Variants in CLIC5 observed in about 807,000 individuals in gnomAD.
The protein encoded by CLIC5 is CLIC family member 5, also known as chloride intracellular channel protein 5.
A neutral mutation model predicts 24.7 loss-of-function variants in CLIC5; 20 were observed. The ratio of observed to expected loss-of-function variants is 0.81; its 90% CI spans 0.57 to 1.18. The LOEUF is 1.18. CLIC5 is among the 50% of genes most tolerant of loss of function. CLIC5 has a pLI of 0.00. For missense variants in CLIC5, 341 were observed against 326.1 expected (o/e 1.05, Z -0.35); for synonymous variants, 159 against 135.6 (o/e 1.17, Z -1.20).
At chr6:45,965,148 A>T (rs1008364173) in intron 1 of CLIC5, among the ~76,000 whole-genome samples, 4 of 152,178 alleles carry the variant, frequency 2.6e-5, no homozygotes, top group African/African-American at 9.7e-5. Flanking sequence ...TACATGAAGA[A>T]CTACAGCTAT....
At chr6:46,088,774 G>T in the CLIC5 span, among the ~76,000 whole-genome samples, 95 of 152,236 alleles carry the variant, frequency 6.2e-4, no homozygotes, top group Middle Eastern at 0.014. Flanking sequence ...TGATTTAGAA[G>T]ATTCAAAGAT....
chr6:46,006,689 T>TC (rs57241416), intron 1 of CLIC5, among the ~76,000 whole-genome samples: 3,303 of 150,314 alleles, frequency 0.022, 137 homozygotes, highest in African/African-American at 0.078. Context: ...TCCTTTTTTT[T>TC]TTTTTTTGAG....
At chr6:45,917,625 C>G (rs1763081232) in intron 4 of CLIC5, among the ~76,000 whole-genome samples, 1 of 152,188 alleles carries the variant, frequency 6.6e-6, no homozygotes, top group Admixed American at 6.5e-5. Flanking sequence ...AAAATAGACA[C>G]AACATGCCTG....
intron 1 of CLIC5, among the ~76,000 whole-genome samples, chr6:45,990,148 T>G (rs1193494416): frequency 1.3e-5 from 2 of 152,198 alleles, no homozygotes; most frequent in Non-Finnish European, 2.9e-5. Flanking sequence ...ATTCAAATAT[T>G]CTTTTTAGGC....
At chr6:45,996,822 T>C (rs1181625183) in intron 1 of CLIC5, among the ~76,000 whole-genome samples, 1 of 151,814 alleles carries the variant, frequency 6.6e-6, no homozygotes, top group Non-Finnish European at 1.5e-5. Context: ...TCACACCAGT[T>C]AGAATGGCAA....
At chr6:45,972,531 G>T (rs1765235749) in intron 1 of CLIC5, among the ~76,000 whole-genome samples, 1 of 152,224 alleles carries the variant, frequency 6.6e-6, no homozygotes, top group African/African-American at 2.4e-5. Flanking sequence ...AAGAGGGATA[G>T]TTTTCTTGTT....
In CLIC5 at chr6:45,905,579, GT is replaced by G. The variant is rs553740756; in HGVS notation, c.589-2325del. Reference sequence around the variant, plus strand: ...TGCCCACTTTTTAATGGTATTATTTGTTTTTTTCTTATTCAATTGTTTAAGT... The same window carrying G: ...TGCCCACTTTTTAATGGTATTATTTGTTTTTTCTTATTCAATTGTTTAAGT... On this transcript the variant is annotated intron_variant, in intron 5 of 5. Coordinates refer to ENST00000339561, the MANE Select transcript of CLIC5 (RefSeq NM_016929.5). Among the ~76,000 whole-genome samples, 192 of 143,390 alleles carry G rather than the reference GT, an allele frequency of 1.3e-3. 1 individual carries two copies. Among genetic ancestry groups the G allele is most frequent in the Middle Eastern group, 7.0e-3 (2 of 286 alleles). The allele number at this position is 143,390 out of a possible 152,430, so 94.1% of individuals were successfully genotyped here.
chr6:46,042,553 T>C (rs942871573), intron 1 of CLIC5, among the ~76,000 whole-genome samples: 22 of 151,526 alleles, frequency 1.5e-4, no homozygotes, highest in Non-Finnish European at 3.0e-4. Flanking sequence ...TCACACATCA[T>C]CAGTACAGTC....
intron 1 of CLIC5, among the ~76,000 whole-genome samples, chr6:45,976,557 T>C (rs1275798189): frequency 1.3e-5 from 2 of 152,226 alleles, no homozygotes; most frequent in African/African-American, 4.8e-5. Context: ...GGTGCAAACG[T>C]AATTGCTGTT....
chr6:45,946,446 C>T (rs1286577791), intron 3 of CLIC5, among the ~76,000 whole-genome samples: 1 of 152,176 alleles, frequency 6.6e-6, no homozygotes, highest in Non-Finnish European at 1.5e-5. Context: ...TGGTTTTCTC[C>T]TTTAAAAAAT....
intron 1 of CLIC5, among the ~76,000 whole-genome samples, chr6:45,969,548 G>A (rs917948423): frequency 1.3e-5 from 2 of 151,656 alleles, no homozygotes; most frequent in Non-Finnish European, 2.9e-5. Flanking sequence ...GATCGGTAGG[G>A]ATGGAGTTTG....
chr6:46,113,361 G>C, the CLIC5 span, among the ~76,000 whole-genome samples: 47,854 of 152,074 alleles, frequency 0.31, 7,959 homozygotes, highest in Middle Eastern at 0.44. Context: ...AGTAGAGTAG[G>C]GTTCGGGAAG....
At position 45,928,795 on chromosome 6, in the gene CLIC5, T is replaced by TGTGTGTGTGTGTGTGTGG. The variant is rs200432038; in HGVS notation, c.406+12751_406+12752insCCACACACACACACACAC. 7.8e-3 allele frequency among the ~76,000 whole-genome samples: 1,159 copies of TGTGTGTGTGTGTGTGTGG among 148,466 alleles called. 16 individuals carry two copies. The highest frequency in any genetic ancestry group is 0.027 in the African/African-American group (1,060 of 39,804). ...GTGTGTGTGTGTGTGTGTGTGTGTGTAGAGAGAGAGAGATTGAGAAACGTA... is the reference window on the plus strand; with the variant it reads ...GTGTGTGTGTGTGTGTGTGTGTGTGTGTGTGTGTGTGTGTGTGGAGAGAGAGAGAGATTGAGAAACGTA... On this transcript the variant is annotated intron_variant, in intron 4 of 5. Transcript: ENST00000339561.
In CLIC5 at chr6:46,006,077, TAC is replaced by T. The variant is rs61651748; in HGVS notation, c.63+9401_63+9402del. Among the ~76,000 whole-genome samples the T allele has an allele frequency of 2.9e-3, 226 of 77,836 alleles. 1 individual carries two copies. The highest frequency in any genetic ancestry group is 0.011 in the African/African-American group (199 of 18,198). 51.1% of individuals were successfully genotyped at this position (77,836 alleles called of 152,430 possible). Reference sequence around the variant, plus strand: ...ATATATACATGTATAAATATATATATACACATGTATAAATACATATATATATA... The same window carrying T: ...ATATATACATGTATAAATATATATATACATGTATAAATACATATATATATA... On this transcript the variant is annotated intron_variant, in intron 1 of 5. Coordinates refer to ENST00000339561, the MANE Select transcript of CLIC5 (RefSeq NM_016929.5).
At chr6:46,040,993 T>C (rs763271434) in intron 1 of CLIC5, among the ~76,000 whole-genome samples, 12 of 152,172 alleles carry the variant, frequency 7.9e-5, no homozygotes, top group Middle Eastern at 3.2e-3. Context: ...GTAAATAGTA[T>C]AGCAGTGTTA....
At chr6:45,975,686 C>G (rs1466191609) in intron 1 of CLIC5, among the ~76,000 whole-genome samples, 2 of 152,044 alleles carry the variant, frequency 1.3e-5, no homozygotes, top group East Asian at 3.9e-4. Context: ...TATCAGATTA[C>G]AAAGAACAAG....
the CLIC5 span, among the ~76,000 whole-genome samples, chr6:46,093,115 C>A: frequency 1.4e-4 from 21 of 152,128 alleles, no homozygotes; most frequent in Admixed American, 2.6e-4. Context: ...ATAAGAGATG[C>A]CTTCCCCATG....
chr6:45,888,610 A>G (rs979253509), intron 6 of CLIC5, among the ~76,000 whole-genome samples: 1 of 152,230 alleles, frequency 6.6e-6, no homozygotes, highest in East Asian at 1.9e-4. Flanking sequence ...ATCTAAGTCT[A>G]TCATAAACAT....
chr6:45,891,797 A>T (rs1468350899), intron 6 of CLIC5, among the ~76,000 whole-genome samples: 1 of 152,100 alleles, frequency 6.6e-6, no homozygotes, highest in Non-Finnish European at 1.5e-5. Flanking sequence ...TATTGCAATG[A>T]CTTTTGAATT....
Sources: allele counts gnomAD v4.1 joint callset (sites outside exome capture counted in the v4.1 genomes callset), GRCh38; gene constraint gnomAD v4.1.1; transcripts MANE v1.5; gene names NCBI Gene and HGNC (gene_info 2026-07-23, HGNC 2026-07-21).